JAG2: variants seen among roughly 807,000 people sequenced by gnomAD.
JAG2 encodes the protein jagged canonical Notch ligand 2, also known as protein jagged-2.
Under a neutral mutation model 141.7 loss-of-function variants are expected in JAG2, and 46 were observed. That is an observed-to-expected ratio of 0.32 (90% CI 0.26 to 0.42). The LOEUF (loss-of-function observed/expected upper bound fraction) is 0.42, where lower values mean the gene tolerates loss of function less well. Among genes scored for constraint, JAG2 ranks in the 10% least tolerant of loss-of-function variants. The pLI is 1.00. For synonymous variants in JAG2, 862 were observed against 763.5 expected, an observed-to-expected ratio of 1.13 and a Z score of -2.13; for missense variants, 1,500 against 1,817.5, an observed-to-expected ratio of 0.83 and a Z score of 3.18.
In JAG2 at chr14:105,167,996, C is replaced by T; in HGVS notation, c.178G>A (p.Gly60Arg). Residue 60 changes from glycine to arginine, a missense_variant, in exon 2 of 26, where the codon GGG (glycine) becomes AGG (arginine). Gly to Arg is a moderately radical substitution (Grantham distance 125). This residue lies in a region of JAG2 where 200 missense variants were observed against 174.3 expected (regional missense o/e 1.15). Transcript: ENST00000331782. The surrounding 1 kb of genome is among the most constrained non-coding windows in gnomAD (Gnocchi z 4.8). ...CDGDGRTTRA[G>R]GCGHDECDTY... ...TCGCACTCGTCGTGGCCGCAGCCCC[C>T]CGCGCGCGTTGTCCGGCCGTCGCCG... 6.2e-7 allele frequency: 1 copy of T among 1,601,696 alleles called. No homozygotes were observed.
In JAG2 at chr14:105,142,658, C is replaced by T. The variant is rs759362768; in HGVS notation, c.*37G>A. 4.6e-6 allele frequency: 7 copies of T among 1,517,552 alleles called. No individual in the cohort carries two copies. Among genetic ancestry groups the T allele is most frequent in the South Asian group, 3.5e-5 (3 of 84,580 alleles). 94.0% of individuals were successfully genotyped at this position (1,517,552 alleles called of 1,614,324 possible). On this transcript the variant is annotated 3_prime_UTR_variant, in exon 26 of 26. Transcript: ENST00000331782. Reference sequence around the variant, plus strand: ...GTCCGGCAGACGGCATGGCTCCCACCGAGGGCCCTGGGTCCCGGCCCAGCT... The same window carrying T: ...GTCCGGCAGACGGCATGGCTCCCACTGAGGGCCCTGGGTCCCGGCCCAGCT...
intron 12 of JAG2, 62 bp downstream of exon 12, chr14:105,150,542 A>T: frequency 1.4e-6 from 2 of 1,480,402 alleles, no homozygotes; most frequent in Non-Finnish European, 1.8e-6. Flanking sequence ...TGGTCAGGGG[A>T]CGAGGCCTGC....
rs1334971589 is a variant in JAG2, at chr14:105,150,611, A to C, written c.1595T>G (p.Leu532Arg). The change falls in exon 12 of 26, where the codon CTC becomes CGC. Residue 532 changes from leucine to arginine, a missense_variant. By Grantham distance (102) the Leu-to-Arg change is moderately radical. Coordinates refer to ENST00000331782, the MANE Select transcript of JAG2 (RefSeq NM_002226.5). ...TGACCAGGCAGACCTCACCTCACAG[A>C]GAGGCCCGGAGAAGCCCTGGGGGCA... ...CHCPQGFSGP[L>R]CEVDVDLCEP... The C allele has an allele frequency of 6.5e-7, 1 of 1,548,288 alleles. No individual in the cohort carries two copies.
intron 2 of JAG2, among the ~76,000 whole-genome samples, chr14:105,164,661 C>G (rs1204687482): frequency 6.6e-6 from 1 of 152,112 alleles, no homozygotes; most frequent in East Asian, 1.9e-4. Flanking sequence ...CGGCTGGATG[C>G]AGGGGGTGGG....
chr14:105,148,399 G>A lies in JAG2; in HGVS notation c.2061C>T (p.Gly687=), dbSNP rs1432307927. The A allele has an allele frequency of 1.2e-6, 2 of 1,612,214 alleles. No homozygotes were observed. Among genetic ancestry groups the A allele is most frequent in the South Asian group, 1.1e-5 (1 of 91,078 alleles). ...AGTCATTGACCAGGTCGTAGCAGCG[G>A]CCGCGGCTGTGGCAGGGATCGGGAA... is the stretch of plus-strand genomic sequence containing the variant. The part of the protein sequence containing the change: ...DCLPDPCHSR[G]RCYDLVNDFY... The change falls in exon 16 of 26, where the codon GGC becomes GGT. Residue 687 remains glycine, a synonymous_variant. Transcript: ENST00000331782.
At chr14:105,166,433 T>C (rs1888912381) in intron 2 of JAG2, among the ~76,000 whole-genome samples, 1 of 152,248 alleles carries the variant, frequency 6.6e-6, no homozygotes, top group South Asian at 2.1e-4. Context: ...GGGGCTGGGC[T>C]TCTCACAACT....
At chr14:105,144,632 T>A (rs1311464401) in intron 24 of JAG2, among the ~76,000 whole-genome samples, 2 of 152,200 alleles carry the variant, frequency 1.3e-5, no homozygotes, top group Non-Finnish European at 2.9e-5. Flanking sequence ...CGGACTCTCC[T>A]GCTGCCTGTG....
At chr14:105,153,100 G>C (rs961986113) in intron 5 of JAG2, among the ~76,000 whole-genome samples, 1 of 152,148 alleles carries the variant, frequency 6.6e-6, no homozygotes, top group Non-Finnish European at 1.5e-5. Flanking sequence ...GACTCCCGGG[G>C]GGCCCTTCCT....
In JAG2 at chr14:105,142,897, G is replaced by A. The variant is rs778727254; in HGVS notation, c.3515C>T (p.Ala1172Val). The A allele has an allele frequency of 2.5e-5, 40 of 1,600,842 alleles. No homozygotes were observed. The highest frequency in any genetic ancestry group is 9.0e-5 in the East Asian group (4 of 44,338). The change falls in exon 26 of 26, where the codon GCG (alanine) becomes GTG (valine). Residue 1172 changes from alanine to valine, a missense_variant. Ala to Val is a moderately conservative substitution (Grantham distance 64, BLOSUM62 0). Coordinates refer to ENST00000331782, the MANE Select transcript of JAG2 (RefSeq NM_002226.5). The stretch of plus-strand genomic sequence containing the variant: ...GTCCTCCTCATCCTCCCTGACGGCC[G>A]CGTGGCCGGCCGGCCCGGGCAGCGC... ...DEALPGPAGH[A>V]AVREDEEDED... is the part of the protein sequence containing the mutation.
Position 105,149,310 on chromosome 14 carries a change from T to C in JAG2, c.1613A>G (p.Asp538Gly). Residue 538 changes from aspartate (D) to glycine (G), a missense_variant, in exon 13 of 26, where the codon GAC (aspartate) becomes GGC (glycine). Physicochemically the swap from Asp to Gly is moderately conservative, Grantham distance 94 (BLOSUM62 -1). This residue lies in a region of JAG2 where 875 missense variants were observed against 1,202.2 expected (regional missense o/e 0.73). Transcript: ENST00000331782. ...FSGPLCEVDV[D>G]LCEPSPCRNG... ...CCGGCAGGGGCTTGGCTCACAAAGG[T>C]CGACATCCACCTGCAGGGTGGGGGG... 1 of 1,612,532 alleles carries C rather than the reference T, an allele frequency of 6.2e-7. No homozygotes were observed. The highest frequency in any genetic ancestry group is 8.5e-7 in the Non-Finnish European group (1 of 1,179,946).
intron 3 of JAG2, 84 bp from the exon 4 acceptor site, chr14:105,156,073 G>C (rs1234799533): frequency 6.5e-7 from 1 of 1,528,272 alleles, no homozygotes. Flanking sequence ...CGGGGCAGAA[G>C]CCTGCGGCTG....
At chr14:105,164,166 C>T (rs1888841739) in intron 2 of JAG2, among the ~76,000 whole-genome samples, 1 of 152,008 alleles carries the variant, frequency 6.6e-6, no homozygotes, top group Admixed American at 6.5e-5. Context: ...CCTCAGGGAC[C>T]AGCGACAAAC....
chr14:105,144,281 C>T (rs1193330697), intron 24 of JAG2, among the ~76,000 whole-genome samples: 1 of 152,094 alleles, frequency 6.6e-6, no homozygotes, highest in African/African-American at 2.4e-5. Context: ...GCGCCCTGAC[C>T]TGTGCTGGCA....
intron 15 of JAG2, 144 bp from the exon 16 acceptor site, chr14:105,148,583 C>T (rs2140975197): frequency 1.1e-6 from 1 of 875,084 alleles, no homozygotes; most frequent in Non-Finnish European, 1.8e-6. Context: ...TGGCCTCGGG[C>T]ATGGGGGCAG....
chr14:105,155,089 A>C (rs1447620118), intron 5 of JAG2, among the ~76,000 whole-genome samples: 1 of 143,208 alleles, frequency 7.0e-6, no homozygotes, highest in Non-Finnish European at 1.5e-5. Flanking sequence ...CAGCCCTTCC[A>C]CCCACCTTGC....
intron 2 of JAG2, among the ~76,000 whole-genome samples, chr14:105,166,409 C>T (rs587651116): frequency 6.6e-6 from 1 of 152,242 alleles, no homozygotes; most frequent in Non-Finnish European, 1.5e-5. Context: ...CCTGCTGCAC[C>T]GCCGTGGGGG....
In JAG2 at chr14:105,145,640, C is replaced by G. The variant is rs1263393543; in HGVS notation, c.2952+91G>C. 2.0e-6 allele frequency: 3 copies of G among 1,487,840 alleles called. No individual in the cohort carries two copies. In the Admixed American group the frequency reaches 6.1e-5, roughly 30 times the overall value. The allele number at this position is 1,487,840 out of a possible 1,614,324, so 92.2% of individuals were successfully genotyped here. ...GTGACTCTGCTCAGCCAACCAGGGC[C>G]TCCCTGCCCTGCGGGGCTAGGCTTT... On this transcript the variant is annotated intron_variant, in intron 23 of 25. Coordinates refer to ENST00000331782, the MANE Select transcript of JAG2 (RefSeq NM_002226.5).
intron 25 of JAG2, 115 bp from the exon 26 acceptor site, chr14:105,143,285 C>G: frequency 1.5e-6 from 2 of 1,358,344 alleles, no homozygotes; most frequent in Non-Finnish European, 2.0e-6. Flanking sequence ...CCCCACCCTC[C>G]GGTTGCTGGC....
chr14:105,144,814 C>T, intron 24 of JAG2, 116 bp downstream of exon 24: 1 of 1,338,570 alleles, frequency 7.5e-7, no homozygotes. Context: ...ACAGGCCTGC[C>T]CGCAGTCCTT....
Sources: gnomAD v4.1 joint callset for allele counts (sites outside exome capture counted in the v4.1 genomes callset) on GRCh38, gnomAD v4.1.1 for gene constraint, gnomAD v4.1.1 regional missense constraint, Gnocchi (gnomAD v3.1) non-coding constraint, MANE v1.5 for transcripts, NCBI Gene and HGNC (gene_info 2026-07-23, HGNC 2026-07-21) for gene names.